PPIB: variants seen among roughly 807,000 people sequenced by gnomAD.
PPIB encodes peptidylprolyl isomerase B.
In PPIB, 15 loss-of-function variants were observed where a neutral mutation model predicts 20.1. That is an observed-to-expected ratio of 0.75 (90% CI 0.50 to 1.15). PPIB has a LOEUF of 1.15. Ranked by LOEUF, PPIB falls within the 50% of genes most tolerant of loss-of-function variation. The probability of loss-of-function intolerance (pLI) is 0.00; values close to 1 mark genes in which losing one functional copy is unlikely to be tolerated. For missense variants in PPIB, 278 were observed against 283.0 expected (o/e 0.98, Z 0.13); for synonymous variants, 129 against 111.0 (o/e 1.16, Z -1.02).
chr15:64,160,032 C>G lies in PPIB; in HGVS notation c.343+72G>C. ...TGGGGAAGAAAGAGGCCTGGTCTCC[C>G]CAGCAGAACCTGGCCCTCCCACTGT... On this transcript the variant is annotated intron_variant, in intron 3 of 4. Coordinates refer to ENST00000300026, the MANE Select transcript of PPIB (RefSeq NM_000942.5). The surrounding 1 kb of genome is among the most constrained non-coding windows in gnomAD (Gnocchi z 4.8). The G allele has an allele frequency of 7.4e-7, 1 of 1,343,796 alleles. No homozygotes were observed. The highest frequency in any genetic ancestry group is 1.1e-6 in the Non-Finnish European group (1 of 934,828). 83.2% of individuals were successfully genotyped at this position (1,343,796 alleles called of 1,614,324 possible).
In PPIB at chr15:64,158,489, C is replaced by T. The variant is rs1041423286; in HGVS notation, c.344-1580G>A. 3.9e-5 allele frequency among the ~76,000 whole-genome samples: 6 copies of T among 152,202 alleles called. No individual in the cohort carries two copies. Reference sequence around the variant, plus strand: ...CACCTCAGGATCAGGTCCAAATCTCCCTGCCCAGGGTCAGTGGCACCAATG... The same window carrying T: ...CACCTCAGGATCAGGTCCAAATCTCTCTGCCCAGGGTCAGTGGCACCAATG... On this transcript the variant is annotated intron_variant, in intron 3 of 4. Transcript: ENST00000300026. This position sits in a 1 kb window ranked among gnomAD's most constrained non-coding sequence, Gnocchi z 4.7.
chr15:64,156,649 G>T lies in PPIB; in HGVS notation c.528+76C>A. 1 of 1,560,338 alleles carries T rather than the reference G, an allele frequency of 6.4e-7. No individual in the cohort carries two copies. The highest frequency in any genetic ancestry group is 8.8e-7 in the Non-Finnish European group (1 of 1,131,336). The stretch of plus-strand genomic sequence containing the variant: ...CCTTTTGGGAAAGGGATGGACACAT[G>T]GAGCTCCTGCCCTGGGGTCTGTGTT... On this transcript the variant is annotated intron_variant, in intron 4 of 4. Coordinates refer to ENST00000300026, the MANE Select transcript of PPIB (RefSeq NM_000942.5). This position sits in a 1 kb window ranked among gnomAD's most constrained non-coding sequence, Gnocchi z 6.4.
chr15:64,156,745 C>CA lies in PPIB; in HGVS notation c.507dup (p.Gly170TrpfsTer23). ...CTCACCATGCCCTCTAGAACTTTGC[C>CA]AAACACCACATGCTTGCCATCTAGC... On this transcript the variant is annotated frameshift_variant, in exon 4 of 5. Transcript: ENST00000300026. LOFTEE classifies it high-confidence loss of function. The surrounding 1 kb of genome is among the most constrained non-coding windows in gnomAD (Gnocchi z 6.4). 1 of 1,614,194 alleles carries CA rather than the reference C, an allele frequency of 6.2e-7. No homozygotes were observed. The highest frequency in any genetic ancestry group is 2.2e-5 in the East Asian group (1 of 44,886).
Position 64,161,579 on chromosome 15 carries a change from G to T in PPIB, c.249+462C>A, listed in dbSNP as rs1012139905. ...TGTCACTACTAAAAATACAAAATTA[G>T]CCAAGCGTGGTGGCGCATGCCTGTA... On this transcript the variant is annotated intron_variant, in intron 2 of 4. Transcript: ENST00000300026. The surrounding 1 kb of genome is among the most constrained non-coding windows in gnomAD (Gnocchi z 4.2). Among the ~76,000 whole-genome samples the T allele has an allele frequency of 1.3e-5, 2 of 151,996 alleles. No individual in the cohort carries two copies. The highest frequency in any genetic ancestry group is 2.9e-5 in the Non-Finnish European group (2 of 67,984).
Position 64,159,048 on chromosome 15 carries a change from C to A in PPIB, c.343+1056G>T, listed in dbSNP as rs867931437. Among the ~76,000 whole-genome samples, 1 of 152,204 alleles carries A rather than the reference C, an allele frequency of 6.6e-6. No homozygotes were observed. Among genetic ancestry groups the A allele is most frequent in the South Asian group, 2.1e-4 (1 of 4,830 alleles). ...AACAAGAAGGTGGCAGACACTGGAT[C>A]GAGCCCAACTGCGTCTGACTCCACA... On this transcript the variant is annotated intron_variant, in intron 3 of 4. Transcript: ENST00000300026. The surrounding 1 kb of genome is among the most constrained non-coding windows in gnomAD (Gnocchi z 5.1).
Position 64,160,409 on chromosome 15 carries a change from T to C in PPIB, c.250-212A>G, listed in dbSNP as rs1466298273. The stretch of plus-strand genomic sequence containing the variant: ...AGATGTGGAAATCCCTCTGCCTCCA[T>C]ACAATTCCCAAGCTTTATACAATTC... On this transcript the variant is annotated intron_variant, in intron 2 of 4. Transcript: ENST00000300026. The surrounding 1 kb of genome is among the most constrained non-coding windows in gnomAD (Gnocchi z 4.8). Among the ~76,000 whole-genome samples the C allele has an allele frequency of 3.3e-5, 5 of 152,198 alleles. No homozygotes were observed. The highest frequency in any genetic ancestry group is 1.2e-4 in the African/African-American group (5 of 41,458).
chr15:64,162,833 G>A lies in PPIB; in HGVS notation c.135+19C>T, dbSNP rs373637331. ...GGGCCCGAGCTCCGGCACCGTAAAT[G>A]CCGCGGACTCCACCGGACCTTGACG... On this transcript the variant is annotated intron_variant, in intron 1 of 4. Transcript: ENST00000300026. 16 of 1,607,738 alleles carry A rather than the reference G, an allele frequency of 1.0e-5. No individual in the cohort carries two copies. In the African/African-American group the frequency reaches 1.6e-4, roughly 16 times the overall value.
Position 64,160,083 on chromosome 15 carries a change from GC to G in PPIB, c.343+20del. ...GGAGGCTACACTGACATACTCCTTG[GC>G]CCAGAGGACCTGTGGTTACCTCCTG... On this transcript the variant is annotated intron_variant, in intron 3 of 4. Coordinates refer to ENST00000300026, the MANE Select transcript of PPIB (RefSeq NM_000942.5). This position sits in a 1 kb window ranked among gnomAD's most constrained non-coding sequence, Gnocchi z 4.8. 1 of 1,584,572 alleles carries G rather than the reference GC, an allele frequency of 6.3e-7. No individual in the cohort carries two copies. Among genetic ancestry groups the G allele is most frequent in the Non-Finnish European group, 8.7e-7 (1 of 1,153,136 alleles).
Position 64,157,057 on chromosome 15 carries a change from A to G in PPIB, c.344-148T>C. Reference sequence around the variant, plus strand: ...AGGACATAAAAGCAGCGTCCTTCCTATCTTCTGGCCTCAGAGCCAAGCCAT... The same window carrying G: ...AGGACATAAAAGCAGCGTCCTTCCTGTCTTCTGGCCTCAGAGCCAAGCCAT... On this transcript the variant is annotated intron_variant, in intron 3 of 4. Coordinates refer to ENST00000300026, the MANE Select transcript of PPIB (RefSeq NM_000942.5). This position sits in a 1 kb window ranked among gnomAD's most constrained non-coding sequence, Gnocchi z 4.2. 1.2e-6 allele frequency: 1 copy of G among 862,208 alleles called. No homozygotes were observed. The highest frequency in any genetic ancestry group is 1.7e-5 in the South Asian group (1 of 57,252). The allele number at this position is 862,208 out of a possible 1,614,324, so 53.4% of individuals were successfully genotyped here. A position where few individuals can be genotyped will look rare whatever the true frequency, so the allele number is the denominator to read the frequency against.
At position 64,162,972 on chromosome 15, in the gene PPIB, G is replaced by C; in HGVS notation, c.15C>G (p.Ser5=). ...CAAGGAGCACCTTCATGTTGCGTTC[G>C]GAGAGGCGCAGCATCCACAGGCGGA... MLRL[S]ERNMKVLLAA... Residue 5 remains serine (S), a synonymous_variant, in exon 1 of 5, where the codon TCC becomes TCG. Coordinates refer to ENST00000300026, the MANE Select transcript of PPIB (RefSeq NM_000942.5). The C allele has an allele frequency of 1.2e-6, 2 of 1,613,326 alleles. No homozygotes were observed. The highest frequency in any genetic ancestry group is 1.7e-6 in the Non-Finnish European group (2 of 1,179,816).
chr15:64,162,749 A>G, intron 1 of PPIB, 103 bp downstream of exon 1: 2 of 1,531,760 alleles, frequency 1.3e-6, no homozygotes, highest in African/African-American at 1.4e-5. Context: ...AGACGCCACG[A>G]GGCCACAGAC....
rs1596028253 is a variant in PPIB, at chr15:64,156,824, T to G, written c.429A>C (p.Ala143=). The part of the protein sequence containing the change: ...YGPGWVSMAN[A]GKDTNGSQFF... ...ACTGGGAGCCGTTGGTGTCTTTGCC[T>G]GCGTTGGCCATGCTCACCCAGCCAG... Residue 143 remains alanine, a synonymous_variant, in exon 4 of 5, where the codon GCA becomes GCC. Coordinates refer to ENST00000300026, the MANE Select transcript of PPIB (RefSeq NM_000942.5). The surrounding 1 kb of genome is among the most constrained non-coding windows in gnomAD (Gnocchi z 6.4). 1.2e-6 allele frequency: 2 copies of G among 1,614,214 alleles called. No individual in the cohort carries two copies. Among genetic ancestry groups the G allele is most frequent in the Non-Finnish European group, 1.7e-6 (2 of 1,180,022 alleles).
At position 64,157,131 on chromosome 15, in the gene PPIB, G is replaced by A; in HGVS notation, c.344-222C>T. On this transcript the variant is annotated intron_variant, in intron 3 of 4. Transcript: ENST00000300026. The surrounding 1 kb of genome is among the most constrained non-coding windows in gnomAD (Gnocchi z 4.2). ...TCAGGCCAGGCTGATGTGGTGAACA[G>A]CTCACAGAAGGATTACTTTGAGAAG... The A allele has an allele frequency of 3.4e-6, 2 of 592,268 alleles. No individual in the cohort carries two copies. The highest frequency in any genetic ancestry group is 2.1e-5 in the South Asian group (1 of 48,364). The allele number at this position is 592,268 out of a possible 1,614,324, so 36.7% of individuals were successfully genotyped here.
In PPIB at chr15:64,161,925, C is replaced by T. The variant is rs2140184167; in HGVS notation, c.249+116G>A. 3.7e-6 allele frequency: 3 copies of T among 803,682 alleles called. No homozygotes were observed. The highest frequency in any genetic ancestry group is 6.7e-6 in the Non-Finnish European group (3 of 446,644). The allele number at this position is 803,682 out of a possible 1,614,324, so 49.8% of individuals were successfully genotyped here. A position where few individuals can be genotyped will look rare whatever the true frequency, so the allele number is the denominator to read the frequency against. ...CTGTGTTCCCAGGGCAACAGGCAGT[C>T]GGTGCTCAGTGAGGTCCACGCTACA... On this transcript the variant is annotated intron_variant, in intron 2 of 4. Transcript: ENST00000300026. The surrounding 1 kb of genome is among the most constrained non-coding windows in gnomAD (Gnocchi z 4.2).
rs2081545104 is a variant in PPIB at position 64,158,016 on chromosome 15, T to C, written c.344-1107A>G. Among the ~76,000 whole-genome samples, 1 of 152,230 alleles carries C rather than the reference T, an allele frequency of 6.6e-6. No individual in the cohort carries two copies. The highest frequency in any genetic ancestry group is 1.5e-5 in the Non-Finnish European group (1 of 68,038). On this transcript the variant is annotated intron_variant, in intron 3 of 4. Transcript: ENST00000300026. The surrounding 1 kb of genome is among the most constrained non-coding windows in gnomAD (Gnocchi z 4.7). ...CCCATTTGAGCCAACTGTGGGATTT[T>C]GATTATAGTTGTTATCCAGAAAACC... is the stretch of plus-strand genomic sequence containing the variant.
chr15:64,163,017 G>A lies in PPIB; in HGVS notation c.-31C>T, dbSNP rs776824072. ...GGCGGAGGCGAAAGCAGCCCGGACAGCTGAGGCCGGAAGAGGGTGGGGCCG... is the reference window on the plus strand; with the variant it reads ...GGCGGAGGCGAAAGCAGCCCGGACAACTGAGGCCGGAAGAGGGTGGGGCCG... On this transcript the variant is annotated 5_prime_UTR_variant, in exon 1 of 5. Transcript: ENST00000300026. 4 of 1,609,078 alleles carry A rather than the reference G, an allele frequency of 2.5e-6. No homozygotes were observed. Among genetic ancestry groups the A allele is most frequent in the Non-Finnish European group, 3.4e-6 (4 of 1,178,542 alleles).
Position 64,162,154 on chromosome 15 carries a change from C to T in PPIB, c.136G>A (p.Val46Met), listed in dbSNP as rs570335950. ...TCTCCAATTCGTAGGTCAAAATACA[C>T]CTGAGGAAAGAGACCATTTCCAACT... ...KKKGPKVTVK[V>M]YFDLRIGDED... The change falls in exon 2 of 5, where the codon GTG becomes ATG. Residue 46 changes from valine (V) to methionine (M), a missense_variant and splice_region_variant. Coordinates refer to ENST00000300026, the MANE Select transcript of PPIB (RefSeq NM_000942.5). 4.3e-6 allele frequency: 7 copies of T among 1,609,340 alleles called. No homozygotes were observed. Among genetic ancestry groups the T allele is most frequent in the African/African-American group, 1.3e-5 (1 of 74,922 alleles).
At position 64,155,839 on chromosome 15, in the gene PPIB, A is replaced by ATT; in HGVS notation, c.*182_*183dup. ...ATATATTAAAAAAAAAAAAACCCACATTTTTTTTTATTGGTCAGTGTTGGT... is the reference window on the plus strand; with the variant it reads ...ATATATTAAAAAAAAAAAAACCCACATTTTTTTTTTTATTGGTCAGTGTTGGT... On this transcript the variant is annotated 3_prime_UTR_variant, in exon 5 of 5. Coordinates refer to ENST00000300026, the MANE Select transcript of PPIB (RefSeq NM_000942.5). 6.4e-6 allele frequency: 5 copies of ATT among 775,448 alleles called. No individual in the cohort carries two copies. Among genetic ancestry groups the ATT allele is most frequent in the South Asian group, 3.5e-5 (2 of 56,500 alleles). 48.0% of individuals were successfully genotyped at this position (775,448 alleles called of 1,614,324 possible).
rs1165247318 is a variant in PPIB at position 64,158,790 on chromosome 15, C to T, written c.343+1314G>A. ...CCGTTCAAATTCTCCTCATTGAGGA[C>T]CCCACTGAAATCTTTCCTCACATCC... is the stretch of plus-strand genomic sequence containing the variant. On this transcript the variant is annotated intron_variant, in intron 3 of 4. Transcript: ENST00000300026. The surrounding 1 kb of genome is among the most constrained non-coding windows in gnomAD (Gnocchi z 4.7). 2.6e-5 allele frequency among the ~76,000 whole-genome samples: 4 copies of T among 152,240 alleles called. No homozygotes were observed. Among genetic ancestry groups the T allele is most frequent in the East Asian group, 1.9e-4 (1 of 5,192 alleles).
Sources: allele counts gnomAD v4.1 joint callset (sites outside exome capture counted in the v4.1 genomes callset), GRCh38; gene constraint gnomAD v4.1.1; non-coding constraint Gnocchi (gnomAD v3.1); transcripts MANE v1.5; gene names NCBI Gene and HGNC (gene_info 2026-07-23, HGNC 2026-07-21).